Variants in IL1RAPL1 observed in about 807,000 individuals in gnomAD.
IL1RAPL1 encodes the protein interleukin-1 receptor accessory protein-like 1.
In IL1RAPL1, 3 loss-of-function variants were observed where a neutral mutation model predicts 48.4. That is an observed-to-expected ratio of 0.06 (90% CI 0.03 to 0.16). The LOEUF is 0.16. Ranked by LOEUF, IL1RAPL1 falls within the 10% of genes least tolerant of loss-of-function variation. The pLI is 1.00. For missense variants in IL1RAPL1, 349 were observed against 530.6 expected (o/e 0.66, Z 3.36); for synonymous variants, 185 against 187.7 (o/e 0.99, Z 0.12).
rs766266625 is a variant in IL1RAPL1, at chrX:29,774,594, C to T, written c.778+106090C>T. ...TATTTCAGTGAATATAATTTTTATA[C>T]GTAAAATTTCTTCAATATACAAAGA... On this transcript the variant is annotated intron_variant, in intron 6 of 10. Coordinates refer to ENST00000378993, the MANE Select transcript of IL1RAPL1 (RefSeq NM_014271.4). Among the ~76,000 whole-genome samples the T allele has an allele frequency of 3.1e-4, 35 of 111,949 alleles. 1 individual carries two copies. Among genetic ancestry groups the T allele is most frequent in the Admixed American group, 1.2e-3 (13 of 10,524 alleles).
chrX:29,578,909 A>T (rs188984448), intron 5 of IL1RAPL1, among the ~76,000 whole-genome samples: 42 of 112,013 alleles, frequency 3.7e-4, no homozygotes, highest in African/African-American at 1.3e-3. Flanking sequence ...TGAATGGGCA[A>T]TTTGGGCTGT....
chrX:28,607,257 G>T (rs1236279321), intron 1 of IL1RAPL1, among the ~76,000 whole-genome samples: 4 of 110,597 alleles, frequency 3.6e-5, no homozygotes, highest in Non-Finnish European at 7.6e-5. Context: ...AGTTTATTCT[G>T]TAGATCTGAC....
At chrX:29,468,584 G>A (rs1001387306) in intron 5 of IL1RAPL1, among the ~76,000 whole-genome samples, 5 of 111,870 alleles carry the variant, frequency 4.5e-5, no homozygotes, top group African/African-American at 1.3e-4. Flanking sequence ...GGCTCATCAC[G>A]GTGACCTTTA....
At chrX:29,497,760 C>A (rs1935229032) in intron 5 of IL1RAPL1, among the ~76,000 whole-genome samples, 2 of 94,777 alleles carry the variant, frequency 2.1e-5, no homozygotes, top group African/African-American at 8.4e-5. Context: ...ATACATTATG[C>A]CATTTATTTC....
intron 5 of IL1RAPL1, among the ~76,000 whole-genome samples, chrX:29,561,553 G>C (rs951823671): frequency 1.8e-5 from 2 of 111,767 alleles, no homozygotes; most frequent in Non-Finnish European, 3.8e-5. Context: ...ATAAAAGTAG[G>C]CCTCTTGGGC....
chrX:29,731,940 C>T (rs767150126), intron 6 of IL1RAPL1, among the ~76,000 whole-genome samples: 3 of 104,446 alleles, frequency 2.9e-5, no homozygotes, highest in South Asian at 4.5e-4. Flanking sequence ...CACAGCAAAG[C>T]GATCTTGTGT....
chrX:29,693,059 C>G (rs1389190160), intron 6 of IL1RAPL1, among the ~76,000 whole-genome samples: 2 of 112,079 alleles, frequency 1.8e-5, no homozygotes, highest in Non-Finnish European at 3.8e-5. Flanking sequence ...GTCTGGTGTC[C>G]TGCAGTGCAG....
chrX:29,063,958 A>G (rs1418673172), intron 2 of IL1RAPL1, among the ~76,000 whole-genome samples: 2 of 111,861 alleles, frequency 1.8e-5, no homozygotes, highest in Non-Finnish European at 3.8e-5. Context: ...CACTAACACA[A>G]TCAGACTTTC....
chrX:29,503,623 G>A (rs1021817048), intron 5 of IL1RAPL1, among the ~76,000 whole-genome samples: 38 of 110,895 alleles, frequency 3.4e-4, no homozygotes, highest in African/African-American at 1.1e-3. Context: ...TCATTCCAGA[G>A]CATGTTGCTA....
chrX:29,880,804 A>G (rs892461160), intron 6 of IL1RAPL1, among the ~76,000 whole-genome samples: 3 of 111,376 alleles, frequency 2.7e-5, no homozygotes, highest in African/African-American at 9.8e-5. Context: ...TTTTAAAGAG[A>G]TACCACAATA....
chrX:29,822,823 A>G (rs1340741885), intron 6 of IL1RAPL1, among the ~76,000 whole-genome samples: 1 of 111,793 alleles, frequency 8.9e-6, no homozygotes, highest in African/African-American at 3.3e-5. Context: ...TTAAATATGC[A>G]GGTAATAACA....
At chrX:28,647,917 A>AGTTTAAGAGATGTTTT (rs1475093601) in intron 1 of IL1RAPL1, among the ~76,000 whole-genome samples, 1 of 111,936 alleles carries the variant, frequency 8.9e-6, no homozygotes, top group Non-Finnish European at 1.9e-5. Flanking sequence ...TTTAAACTTA[A>AGTTTAAGAGATGTTTT]AACATCTCTT....
intron 2 of IL1RAPL1, among the ~76,000 whole-genome samples, chrX:28,793,716 G>C (rs1936579969): frequency 9.0e-6 from 1 of 111,278 alleles, no homozygotes; most frequent in South Asian, 3.8e-4. Flanking sequence ...ATAGCACTTT[G>C]CGGGGACTAA....
chrX:29,832,365 T>A (rs2147188593), intron 6 of IL1RAPL1, among the ~76,000 whole-genome samples: 1 of 111,999 alleles, frequency 8.9e-6, no homozygotes, highest in East Asian at 2.8e-4. Flanking sequence ...ATTCAAATTA[T>A]CAAATATAAA....
intron 2 of IL1RAPL1, among the ~76,000 whole-genome samples, chrX:28,819,470 C>T (rs940937634): frequency 2.7e-5 from 3 of 110,782 alleles, no homozygotes; most frequent in South Asian, 3.7e-4. Flanking sequence ...CAAGATTTGC[C>T]TAAGCCTGTA....
At chrX:29,854,897 A>G (rs945153869) in intron 6 of IL1RAPL1, among the ~76,000 whole-genome samples, 4 of 107,651 alleles carry the variant, frequency 3.7e-5, no homozygotes, top group Non-Finnish European at 7.7e-5. Context: ...ACCAAATAGC[A>G]CACACACACA....
chrX:29,916,826 C>G (rs901516638), intron 6 of IL1RAPL1, among the ~76,000 whole-genome samples: 1 of 112,272 alleles, frequency 8.9e-6, no homozygotes, highest in African/African-American at 3.2e-5. Flanking sequence ...ATAAGCTAAT[C>G]TTTACAGTAG....
intron 6 of IL1RAPL1, among the ~76,000 whole-genome samples, chrX:29,857,102 T>G (rs368888404): frequency 1.8e-4 from 20 of 111,312 alleles, no homozygotes; most frequent in Middle Eastern, 4.2e-3. Flanking sequence ...TAATTTTGCC[T>G]GAAAATTGCA....
intron 6 of IL1RAPL1, among the ~76,000 whole-genome samples, chrX:29,791,616 G>T (rs1303025887): frequency 2.8e-5 from 3 of 107,517 alleles, no homozygotes; most frequent in African/African-American, 1.0e-4. Flanking sequence ...TAGATATGGG[G>T]TTTCACCATG....
Sources: allele counts gnomAD v4.1 joint callset (sites outside exome capture counted in the v4.1 genomes callset), GRCh38; gene constraint gnomAD v4.1.1; transcripts MANE v1.5; gene names NCBI Gene and HGNC (gene_info 2026-07-23, HGNC 2026-07-21).